The following SPTB variants were observed in gnomAD, a reference collection of about 807,000 sequenced individuals.
SPTB encodes spectrin beta, erythrocytic.
A neutral mutation model predicts 256.2 loss-of-function variants in SPTB; 45 were observed. The ratio of observed to expected loss-of-function variants is 0.18; its 90% CI spans 0.14 to 0.23. The LOEUF is 0.23. Among genes scored for constraint, SPTB ranks in the 10% least tolerant of loss-of-function variants. SPTB has a pLI of 1.00. For missense variants in SPTB, 2,715 were observed against 3,040.4 expected, an observed-to-expected ratio of 0.89 and a Z score of 2.52; for synonymous variants, 1,231 against 1,243.1, an observed-to-expected ratio of 0.99 and a Z score of 0.21.
chr14:64,857,873 T>C (rs973017008), intron 1 of SPTB, among the ~76,000 whole-genome samples: 1 of 152,202 alleles, frequency 6.6e-6, no homozygotes, highest in Non-Finnish European at 1.5e-5. Flanking sequence ...TAATGAGATC[T>C]GCTAAAAAGC....
rs1435963251 is a variant in SPTB at position 64,769,873 on chromosome 14, C to T, written c.5799-145G>A. 12 of 1,067,866 alleles carry T rather than the reference C, an allele frequency of 1.1e-5. No homozygotes were observed. In the East Asian group the frequency reaches 1.9e-4, roughly 17 times the overall value. 66.1% of individuals were successfully genotyped at this position (1,067,866 alleles called of 1,614,324 possible). A position where few individuals can be genotyped will look rare whatever the true frequency, so the allele number is the denominator to read the frequency against. ...TCTCTCTGGCCAGCCAGGGGGTCCT[C>T]CGCCAGCCCAGCCCCAGCAGGAACA... On this transcript the variant is annotated intron_variant, in intron 27 of 35. Coordinates refer to ENST00000644917, the MANE Select transcript of SPTB (RefSeq NM_001355436.2).
chr14:64,755,224 G>C (rs28678783), intron 32 of SPTB: 1 of 152,226 alleles, frequency 6.6e-6, no homozygotes, highest in African/African-American at 2.4e-5. Flanking sequence ...GGGCAAACCC[G>C]AAACAGAGGA....
chr14:64,857,522 G>A (rs2083892112), intron 1 of SPTB, among the ~76,000 whole-genome samples: 1 of 137,060 alleles, frequency 7.3e-6, no homozygotes, highest in Non-Finnish European at 1.5e-5. Context: ...AGGCTGCAGT[G>A]AGCCATAATC....
chr14:64,791,618 G>C, intron 15 of SPTB, 101 bp downstream of exon 15: 1 of 801,728 alleles, frequency 1.2e-6, no homozygotes. Flanking sequence ...GTATAGAAGT[G>C]TTGGTGCATA....
chr14:64,802,095 CTT>C lies in SPTB; in HGVS notation c.566+129_566+130del, dbSNP rs1195390871. On this transcript the variant is annotated intron_variant, in intron 5 of 35. Coordinates refer to ENST00000644917, the MANE Select transcript of SPTB (RefSeq NM_001355436.2). The surrounding 1 kb of genome is among the most constrained non-coding windows in gnomAD (Gnocchi z 5.1). ...CCTCAAAGAATCAGGTCAGGACAGA[CTT>C]TGCATCAATTACAGGGAGGCAGCTG... The C allele has an allele frequency of 1.0e-6, 1 of 977,910 alleles. No homozygotes were observed. Among genetic ancestry groups the C allele is most frequent in the Non-Finnish European group, 1.6e-6 (1 of 622,716 alleles). The allele number at this position is 977,910 out of a possible 1,614,324, so 60.6% of individuals were successfully genotyped here.
At chr14:64,850,280 C>T (rs1433823873) in intron 1 of SPTB, among the ~76,000 whole-genome samples, 1 of 152,142 alleles carries the variant, frequency 6.6e-6, no homozygotes, top group Non-Finnish European at 1.5e-5. Flanking sequence ...GAATGAGTGG[C>T]CTCCAAAGGA....
At chr14:64,834,949 AC>A (rs1437887090) in intron 1 of SPTB, among the ~76,000 whole-genome samples, 2 of 152,238 alleles carry the variant, frequency 1.3e-5, no homozygotes, top group African/African-American at 2.4e-5. Context: ...TGCCTCACAA[AC>A]AAAAAGAGCT....
chr14:64,870,442 C>A (rs1594861027), intron 1 of SPTB, among the ~76,000 whole-genome samples: 2 of 152,160 alleles, frequency 1.3e-5, no homozygotes, highest in Admixed American at 1.3e-4. Context: ...AATAAAACAT[C>A]GCATAATATT....
chr14:64,805,864 G>A (rs2285006), intron 2 of SPTB, among the ~76,000 whole-genome samples: 1 of 152,042 alleles, frequency 6.6e-6, no homozygotes. Context: ...TGACTCATGT[G>A]GGGGTAAGGA....
chr14:64,840,450 A>G (rs1177965462), intron 1 of SPTB, among the ~76,000 whole-genome samples: 1 of 152,250 alleles, frequency 6.6e-6, no homozygotes, highest in Non-Finnish European at 1.5e-5. Context: ...TAAAAAAGCA[A>G]AAGTCTTGAA....
At chr14:64,828,139 C>A (rs1444111155) in intron 1 of SPTB, among the ~76,000 whole-genome samples, 2 of 152,198 alleles carry the variant, frequency 1.3e-5, no homozygotes, top group Non-Finnish European at 2.9e-5. Context: ...TCTGCAATAT[C>A]CTGGTCATTC....
At chr14:64,877,609 T>A (rs1329546055) in intron 1 of SPTB, among the ~76,000 whole-genome samples, 2 of 152,248 alleles carry the variant, frequency 1.3e-5, no homozygotes, top group Non-Finnish European at 2.9e-5. Context: ...CATTCATTTG[T>A]TGGTTTCCTC....
In SPTB at chr14:64,852,008, T is replaced by C. The variant is rs888886748; in HGVS notation, c.-52+27784A>G. ...GTAACAAACCTACACATCTGGCACATGTACCCCGGAACTTAAAATAAAAAT... is the reference window on the plus strand; with the variant it reads ...GTAACAAACCTACACATCTGGCACACGTACCCCGGAACTTAAAATAAAAAT... On this transcript the variant is annotated intron_variant, in intron 1 of 35. Coordinates refer to ENST00000644917, the MANE Select transcript of SPTB (RefSeq NM_001355436.2). This position sits in a 1 kb window ranked among gnomAD's most constrained non-coding sequence, Gnocchi z 4.2. Among the ~76,000 whole-genome samples the C allele has an allele frequency of 6.6e-6, 1 of 152,176 alleles. No homozygotes were observed. Among genetic ancestry groups the C allele is most frequent in the Admixed American group, 6.5e-5 (1 of 15,276 alleles).
chr14:64,755,419 T>C (rs1178437234), intron 32 of SPTB: 1 of 152,236 alleles, frequency 6.6e-6, no homozygotes, highest in Non-Finnish European at 1.5e-5. Flanking sequence ...AAACTGGTCA[T>C]GTTTGTATCT....
At chr14:64,843,420 GT>G (rs1457566624) in intron 1 of SPTB, among the ~76,000 whole-genome samples, 2 of 152,066 alleles carry the variant, frequency 1.3e-5, no homozygotes, top group Non-Finnish European at 2.9e-5. Flanking sequence ...GGGAAAAGAT[GT>G]TTTTATACTT....
chr14:64,827,501 A>G lies in SPTB; in HGVS notation c.-51-4356T>C, dbSNP rs1028272864. Among the ~76,000 whole-genome samples, 1 of 152,104 alleles carries G rather than the reference A, an allele frequency of 6.6e-6. No homozygotes were observed. Among genetic ancestry groups the G allele is most frequent in the African/African-American group, 2.4e-5 (1 of 41,396 alleles). On this transcript the variant is annotated intron_variant, in intron 1 of 35. Transcript: ENST00000644917. This position sits in a 1 kb window ranked among gnomAD's most constrained non-coding sequence, Gnocchi z 4.6. ...TGCTACCTCAAACCTGCTTTTAACA[A>G]TTTGGTATTGTGGCAACCCGGTCAG...
chr14:64,813,897 G>C (rs2083138753), intron 2 of SPTB, among the ~76,000 whole-genome samples: 1 of 152,206 alleles, frequency 6.6e-6, no homozygotes, highest in South Asian at 2.1e-4. Flanking sequence ...CCATAATAAA[G>C]CCTAGCATGG....
At chr14:64,818,822 A>G (rs1294553923) in intron 2 of SPTB, among the ~76,000 whole-genome samples, 1 of 152,142 alleles carries the variant, frequency 6.6e-6, no homozygotes. Context: ...GAAGGCTGGA[A>G]CCTTTTGGAA....
chr14:64,756,573 T>G (rs1188184412), intron 32 of SPTB: 1 of 141,900 alleles, frequency 7.0e-6, no homozygotes, highest in Non-Finnish European at 1.6e-5. Context: ...TGTCACAAAA[T>G]AAATAAATAA....
Sources: gnomAD v4.1 joint callset for allele counts (sites outside exome capture counted in the v4.1 genomes callset) on GRCh38, gnomAD v4.1.1 for gene constraint, Gnocchi (gnomAD v3.1) non-coding constraint, MANE v1.5 for transcripts, NCBI Gene and HGNC (gene_info 2026-07-23, HGNC 2026-07-21) for gene names.